The following MGAT4C variants were observed in gnomAD, a reference collection of about 807,000 sequenced individuals.
MGAT4C encodes the protein MGAT4 family member C.
A neutral mutation model predicts 40.1 loss-of-function variants in MGAT4C; 19 were observed. That is an observed-to-expected ratio of 0.47 (90% CI 0.33 to 0.70). The LOEUF is 0.70. Ranked by LOEUF, MGAT4C falls within the 30% of genes least tolerant of loss-of-function variation. MGAT4C has a pLI of 0.02. For synonymous variants in MGAT4C, 181 were observed against 187.1 expected (o/e 0.97, Z 0.27); for missense variants, 491 against 563.2 (o/e 0.87, Z 1.30).
At chr12:86,042,807 G>T (rs12370512) in intron 2 of MGAT4C, among the ~76,000 whole-genome samples, 29,791 of 146,708 alleles carry the variant, frequency 0.2, 3,643 homozygotes, top group Non-Finnish European at 0.28. Flanking sequence ...GGCAGAGCTT[G>T]CAGTGAGCCA....
chr12:86,092,667 A>T (rs1205411443), intron 1 of MGAT4C, among the ~76,000 whole-genome samples: 1 of 152,098 alleles, frequency 6.6e-6, no homozygotes, highest in Non-Finnish European at 1.5e-5. Flanking sequence ...CTGGATCTTA[A>T]CTTTAACCTT....
chr12:86,078,737 C>T (rs2135536501), intron 1 of MGAT4C, among the ~76,000 whole-genome samples: 1 of 152,284 alleles, frequency 6.6e-6, no homozygotes, highest in Non-Finnish European at 1.5e-5. Flanking sequence ...ACCATGGCCA[C>T]TTTGTTCATG....
intron 1 of MGAT4C, among the ~76,000 whole-genome samples, chr12:86,083,179 CTT>C (rs1472840780): frequency 6.6e-6 from 1 of 152,028 alleles, no homozygotes; most frequent in Non-Finnish European, 1.5e-5. Context: ...AATTTTAACT[CTT>C]TTACAAATTT....
intron 2 of MGAT4C, among the ~76,000 whole-genome samples, chr12:85,993,242 G>A (rs1358678905): frequency 2.0e-5 from 3 of 152,176 alleles, no homozygotes; most frequent in African/African-American, 7.2e-5. Context: ...TGAAAAGCAG[G>A]GAATCCTGCA....
intron 2 of MGAT4C, among the ~76,000 whole-genome samples, chr12:86,498,449 C>T (rs900322389): frequency 1.3e-5 from 2 of 151,696 alleles, no homozygotes; most frequent in African/African-American, 2.4e-5. Context: ...TGCATGAAAA[C>T]ATAAAATATA....
At chr12:86,734,698 C>T (rs908501141) in intron 1 of MGAT4C, among the ~76,000 whole-genome samples, 3 of 152,044 alleles carry the variant, frequency 2.0e-5, no homozygotes, top group African/African-American at 7.2e-5. Context: ...TCACCGCAAA[C>T]CAGATCTGTC....
At chr12:86,280,974 CA>C (rs952652694) in intron 4 of MGAT4C, among the ~76,000 whole-genome samples, 1 of 151,854 alleles carries the variant, frequency 6.6e-6, no homozygotes, top group African/African-American at 2.4e-5. Context: ...GTGCTTAATC[CA>C]TTTACCAGTA....
At chr12:86,761,814 T>C (rs1951411774) in intron 1 of MGAT4C, among the ~76,000 whole-genome samples, 1 of 152,140 alleles carries the variant, frequency 6.6e-6, no homozygotes, top group Admixed American at 6.6e-5. Flanking sequence ...TTCTCTTTCT[T>C]AAGGACCTTT....
At chr12:86,555,583 G>A (rs1959569510) in intron 2 of MGAT4C, among the ~76,000 whole-genome samples, 1 of 152,120 alleles carries the variant, frequency 6.6e-6, no homozygotes, top group African/African-American at 2.4e-5. Context: ...TAGAATCCAG[G>A]GCTCGTGGCT....
At chr12:86,332,963 T>C (rs1173275339) in intron 4 of MGAT4C, among the ~76,000 whole-genome samples, 1 of 152,142 alleles carries the variant, frequency 6.6e-6, no homozygotes, top group Non-Finnish European at 1.5e-5. Context: ...ATGTTCAAGT[T>C]ACCAGCAGAA....
At chr12:86,015,057 C>T (rs1333648892) in intron 2 of MGAT4C, among the ~76,000 whole-genome samples, 1 of 149,818 alleles carries the variant, frequency 6.7e-6, no homozygotes, top group Non-Finnish European at 1.5e-5. Context: ...CAGTGATCAG[C>T]CTCAGCTTCC....
intron 2 of MGAT4C, among the ~76,000 whole-genome samples, chr12:86,510,332 T>A (rs1303960428): frequency 1.3e-5 from 2 of 152,022 alleles, no homozygotes; most frequent in Non-Finnish European, 2.9e-5. Context: ...AAAGAGCTCC[T>A]GAAGGAAGCA....
intron 1 of MGAT4C, among the ~76,000 whole-genome samples, chr12:86,234,811 C>T (rs1951463218): frequency 1.3e-5 from 2 of 152,088 alleles, no homozygotes; most frequent in South Asian, 4.1e-4. Context: ...CCAATGACCT[C>T]CTTTTTGCTA....
chr12:86,228,694 G>T (rs1374249725), intron 1 of MGAT4C, among the ~76,000 whole-genome samples: 3 of 151,730 alleles, frequency 2.0e-5, no homozygotes, highest in Non-Finnish European at 4.4e-5. Flanking sequence ...GATAAATCCT[G>T]TTTTCTCTTT....
chr12:86,409,137 T>C, intron 3 of MGAT4C, among the ~76,000 whole-genome samples: 1 of 152,316 alleles, frequency 6.6e-6, no homozygotes, highest in African/African-American at 2.4e-5. Flanking sequence ...GTACTCATTC[T>C]ATTTAGCTAC....
intron 2 of MGAT4C, among the ~76,000 whole-genome samples, chr12:86,455,505 T>G (rs1957494169): frequency 6.6e-6 from 1 of 152,086 alleles, no homozygotes; most frequent in South Asian, 2.1e-4. Flanking sequence ...AAATTAAAAA[T>G]AATTTAAAAA....
At chr12:86,790,557 C>T (rs1952005138) in intron 1 of MGAT4C, among the ~76,000 whole-genome samples, 1 of 152,032 alleles carries the variant, frequency 6.6e-6, no homozygotes, top group Admixed American at 6.6e-5. Flanking sequence ...TATTAGCTTC[C>T]ATTCACATAT....
Position 85,959,221 on chromosome 12 carries a change from T to C in MGAT4C, c.*20068A>G, listed in dbSNP as rs1381972655. ...TACCCATTGCTTTGAAGAAGAAACC[T>C]TAAGCAACTAGAAATGTCAATCTAA... On this transcript the variant is annotated 3_prime_UTR_variant, in exon 5 of 5. Coordinates refer to ENST00000611864, the MANE Select transcript of MGAT4C (RefSeq NM_001351288.2). The C allele has an allele frequency of 2.6e-5, 4 of 152,012 alleles. No homozygotes were observed. Among genetic ancestry groups the C allele is most frequent in the African/African-American group, 9.7e-5 (4 of 41,402 alleles). The allele number at this position is 152,012 out of a possible 1,614,324, so 9.4% of individuals were successfully genotyped here.
chr12:86,687,237 AT>A (rs1950090015), intron 2 of MGAT4C, among the ~76,000 whole-genome samples: 1 of 150,812 alleles, frequency 6.6e-6, no homozygotes, highest in African/African-American at 2.4e-5. Flanking sequence ...TTTCTTCTTT[AT>A]TTGTCTGGCT....
Sources: gnomAD v4.1 joint callset for allele counts (sites outside exome capture counted in the v4.1 genomes callset) on GRCh38, gnomAD v4.1.1 for gene constraint, MANE v1.5 for transcripts, NCBI Gene and HGNC (gene_info 2026-07-23, HGNC 2026-07-21) for gene names.